The following RP1L1 variants were observed in gnomAD, a reference collection of about 807,000 sequenced individuals.
The protein encoded by RP1L1 is retinitis pigmentosa 1-like 1 protein.
A neutral mutation model predicts 15.7 loss-of-function variants in RP1L1; 27 were observed. The observed-to-expected ratio is 1.72, with a 90% CI of 1.27 to 2.38. RP1L1 has a LOEUF of 2.38. Ranked by LOEUF, RP1L1 falls within the 30% of genes most tolerant of loss-of-function variation. RP1L1 has a pLI of 0.00. For synonymous variants in RP1L1, 1,813 were observed against 1,276.7 expected (o/e 1.42, Z -8.96); for missense variants, 4,798 against 3,075.9 (o/e 1.56, Z -13.24).
chr8:10,609,274 G>T lies in RP1L1; in HGVS notation c.4824C>A (p.His1608Gln), dbSNP rs772895975. ...ELLLQTQQRR[H>Q]RLRGLRNLSA... ...AGAGGTTTCGCAGGCCCCGGAGACG[G>T]TGTCTGCGCTGCTGGGTCTGCAGGA... Residue 1608 changes from histidine (H) to glutamine (Q), a missense_variant, in exon 4 of 4, where the codon CAC becomes CAA. His to Gln is a conservative substitution (Grantham distance 24). Transcript: ENST00000382483. The T allele has an allele frequency of 1.2e-5, 19 of 1,609,776 alleles. No individual in the cohort carries two copies. The highest frequency in any genetic ancestry group is 1.5e-5 in the Non-Finnish European group (18 of 1,179,710).
chr8:10,626,524 G>A (rs1222573238), intron 1 of RP1L1, among the ~76,000 whole-genome samples: 2 of 152,204 alleles, frequency 1.3e-5, no homozygotes, highest in African/African-American at 2.4e-5. Flanking sequence ...AGGTCCACAC[G>A]GGCTGCATGG....
chr8:10,616,967 C>T (rs751716023), intron 2 of RP1L1, among the ~76,000 whole-genome samples: 16 of 152,138 alleles, frequency 1.1e-4, no homozygotes, highest in Non-Finnish European at 2.1e-4. Context: ...GCTCCCACAG[C>T]GGGGCCCGAT....
Position 10,610,554 on chromosome 8 carries a change from G to C in RP1L1, c.3544C>G (p.Pro1182Ala), listed in dbSNP as rs747539004. 6.2e-7 allele frequency: 1 copy of C among 1,613,666 alleles called. No homozygotes were observed. The highest frequency in any genetic ancestry group is 8.5e-7 in the Non-Finnish European group (1 of 1,180,012). Residue 1182 changes from proline (P) to alanine (A), a missense_variant, in exon 4 of 4, where the codon CCA becomes GCA. Physicochemically the swap from Pro to Ala is conservative, Grantham distance 27 (BLOSUM62 -1). Transcript: ENST00000382483. ...GTCATGGCATGGGACCCAAGGTCTGGCAGAGCCTGGCTCCATGTGAGCTCC... is the reference window on the plus strand; with the variant it reads ...GTCATGGCATGGGACCCAAGGTCTGCCAGAGCCTGGCTCCATGTGAGCTCC... The part of the protein sequence containing the change: ...LWELTWSQAL[P>A]DLGSHAMTEN...
chr8:10,618,149 G>A (rs1355112335), intron 2 of RP1L1, among the ~76,000 whole-genome samples: 1 of 152,148 alleles, frequency 6.6e-6, no homozygotes, highest in Non-Finnish European at 1.5e-5. Context: ...ATGCAACTAG[G>A]AGCAAATTAC....
At chr8:10,618,078 G>A (rs767668793) in intron 2 of RP1L1, among the ~76,000 whole-genome samples, 14 of 152,192 alleles carry the variant, frequency 9.2e-5, no homozygotes, top group Non-Finnish European at 1.8e-4. Flanking sequence ...CATCTTTAAA[G>A]CACAGAGCAT....
chr8:10,632,082 G>A (rs4841401), intron 1 of RP1L1, among the ~76,000 whole-genome samples: 1 of 152,052 alleles, frequency 6.6e-6, no homozygotes, highest in Non-Finnish European at 1.5e-5. Flanking sequence ...GTCCTGTCGA[G>A]GAAGCAAAGA....
Position 10,616,472 on chromosome 8 carries a change from G to C in RP1L1, c.725C>G (p.Ser242Cys), listed in dbSNP as rs1217330995. ...GTTTTTGTTTCTTGAAGTCAGCCCA[G>C]ATAAAGTTTCAGCCTCGCTTCTCCT... ...NARRSEAETL[S>C]GLTSRNKNGS... is the part of the protein sequence containing the mutation. Residue 242 changes from serine to cysteine, a missense_variant, in exon 3 of 4, where the codon TCT becomes TGT. By Grantham distance (112) the Ser-to-Cys change is moderately radical. Transcript: ENST00000382483. The C allele has an allele frequency of 5.6e-6, 9 of 1,614,122 alleles. No individual in the cohort carries two copies. The African/African-American group carries it at 9.3e-5, about 17-fold the overall frequency.
Position 10,611,144 on chromosome 8 carries a change from C to A in RP1L1, c.2954G>T (p.Gly985Val). 6.2e-7 allele frequency: 1 copy of A among 1,612,950 alleles called. No individual in the cohort carries two copies. The highest frequency in any genetic ancestry group is 8.5e-7 in the Non-Finnish European group (1 of 1,180,026). ...LADETTGAAG[G>V]GLRGPEVDPG... Reference sequence around the variant, plus strand: ...GTCCACCTCGGGGCCTCTCAGGCCACCCCCAGCTGCACCTGTGGTCTCGTC... The same window carrying A: ...GTCCACCTCGGGGCCTCTCAGGCCAACCCCAGCTGCACCTGTGGTCTCGTC... The change falls in exon 4 of 4, where the codon GGT (glycine) becomes GTT (valine). Residue 985 changes from glycine (G) to valine (V), a missense_variant. Gly to Val is a moderately radical substitution (Grantham distance 109). Transcript: ENST00000382483.
chr8:10,606,957 G>T lies in RP1L1; in HGVS notation c.7141C>A (p.Leu2381Ile). ...DLQEDQALGS[L>I]APTEAVGRAD... Reference sequence around the variant, plus strand: ...CTGCCCACTGCCTCAGTGGGGGCGAGACTTCCGAGTGCCTGGTCCTCTTGT... The same window carrying T: ...CTGCCCACTGCCTCAGTGGGGGCGATACTTCCGAGTGCCTGGTCCTCTTGT... The change falls in exon 4 of 4, where the codon CTC becomes ATC. Residue 2381 changes from leucine (L) to isoleucine (I), a missense_variant. Physicochemically the swap from Leu to Ile is conservative, Grantham distance 5. Coordinates refer to ENST00000382483, the MANE Select transcript of RP1L1 (RefSeq NM_178857.6). The T allele has an allele frequency of 6.2e-7, 1 of 1,614,240 alleles. No homozygotes were observed. The highest frequency in any genetic ancestry group is 8.5e-7 in the Non-Finnish European group (1 of 1,180,048).
chr8:10,644,208 G>T (rs1798444328), intron 1 of RP1L1, among the ~76,000 whole-genome samples: 1 of 151,814 alleles, frequency 6.6e-6, no homozygotes, highest in Non-Finnish European at 1.5e-5. Context: ...CAGTACTGGG[G>T]CCGAGTGACC....
chr8:10,623,362 G>C (rs1198545029), intron 1 of RP1L1, 142 bp from the exon 2 acceptor site: 1 of 686,948 alleles, frequency 1.5e-6, no homozygotes, highest in African/African-American at 1.8e-5. Flanking sequence ...AATCTATTTG[G>C]ATGGAACAGA....
chr8:10,617,079 GA>G (rs1797979855), intron 2 of RP1L1, among the ~76,000 whole-genome samples: 1 of 152,062 alleles, frequency 6.6e-6, no homozygotes, highest in Admixed American at 6.5e-5. Flanking sequence ...GTGGAGGGGA[GA>G]GGGGCTAGGC....
At chr8:10,642,095 A>G (rs1004947930) in intron 1 of RP1L1, among the ~76,000 whole-genome samples, 4 of 152,198 alleles carry the variant, frequency 2.6e-5, no homozygotes, top group Non-Finnish European at 5.9e-5. Flanking sequence ...AAACTGGGTG[A>G]AGACTATACA....
In RP1L1 at chr8:10,623,091, G is replaced by T; in HGVS notation, c.111C>A (p.Thr37=). Residue 37 remains threonine (T), a synonymous_variant, in exon 2 of 4, where the codon ACC becomes ACA. Transcript: ENST00000382483. ...VTKVTPAKKI[T]FLKRGDPRFA... ...ACCGTGGATCCCCTCGCTTGAGGAA[G>T]GTGATCTTCTTGGCTGGCGTGACCT... 1.9e-6 allele frequency: 3 copies of T among 1,613,988 alleles called. No homozygotes were observed. The highest frequency in any genetic ancestry group is 2.5e-6 in the Non-Finnish European group (3 of 1,179,974).
chr8:10,609,202 G>C lies in RP1L1; in HGVS notation c.4896C>G (p.Thr1632=). The C allele has an allele frequency of 6.2e-7, 1 of 1,611,150 alleles. No homozygotes were observed. The highest frequency in any genetic ancestry group is 8.5e-7 in the Non-Finnish European group (1 of 1,179,972). Residue 1632 remains threonine (T), a synonymous_variant, in exon 4 of 4, where the codon ACC becomes ACG. Transcript: ENST00000382483. ...TGCTGAGGGCTGGCTCGTCCTCCAG[G>C]GTGAAGGAGAGGGGCCCCAGGCCCA... ...RTLGLGPLSF[T]LEDEPALSTA...
At position 10,606,407 on chromosome 8, in the gene RP1L1, A is replaced by G. The variant is rs992376523; in HGVS notation, c.*488T>C. ...CTGAAGTTACCTGCTTTGCCCAAGT[A>G]TTTCTGCAGAGTCATCAAATATATT... On this transcript the variant is annotated 3_prime_UTR_variant, in exon 4 of 4. Transcript: ENST00000382483. The G allele has an allele frequency of 5.1e-5, 8 of 155,934 alleles. No homozygotes were observed. Among genetic ancestry groups the G allele is most frequent in the African/African-American group, 1.9e-4 (8 of 41,480 alleles). 9.7% of individuals were successfully genotyped at this position (155,934 alleles called of 1,614,324 possible). A position where few individuals can be genotyped will look rare whatever the true frequency, so the allele number is the denominator to read the frequency against.
At chr8:10,624,524 CCT>C (rs1798126505) in intron 1 of RP1L1, among the ~76,000 whole-genome samples, 1 of 152,188 alleles carries the variant, frequency 6.6e-6, no homozygotes, top group African/African-American at 2.4e-5. Flanking sequence ...TAGGGATTAG[CCT>C]CTCTGGCTCT....
chr8:10,631,133 C>G (rs969025681), intron 1 of RP1L1, among the ~76,000 whole-genome samples: 2 of 152,064 alleles, frequency 1.3e-5, no homozygotes, highest in Non-Finnish European at 2.9e-5. Flanking sequence ...GGTGATCACC[C>G]AAGATCAACC....
chr8:10,645,497 G>A (rs1227850962), intron 1 of RP1L1, among the ~76,000 whole-genome samples: 3 of 152,140 alleles, frequency 2.0e-5, no homozygotes, highest in African/African-American at 7.2e-5. Flanking sequence ...CTCACCAGGG[G>A]CTTTGGTCCA....
Sources: allele counts gnomAD v4.1 joint callset (sites outside exome capture counted in the v4.1 genomes callset), GRCh38; gene constraint gnomAD v4.1.1; transcripts MANE v1.5; gene names NCBI Gene and HGNC (gene_info 2026-07-23, HGNC 2026-07-21).